Variants in SH3KBP1 observed in about 807,000 individuals in gnomAD.
SH3KBP1 encodes SH3 domain containing kinase binding protein 1, also known as SH3 domain-containing kinase-binding protein 1.
Under a neutral mutation model 50.1 loss-of-function variants are expected in SH3KBP1, and 8 were observed. The observed-to-expected ratio is 0.16, with a 90% CI of 0.09 to 0.29. The LOEUF is 0.29. Among genes scored for constraint, SH3KBP1 ranks in the 10% least tolerant of loss-of-function variants. The pLI is 1.00. For synonymous variants in SH3KBP1, 227 were observed against 218.6 expected, an observed-to-expected ratio of 1.04 and a Z score of -0.34; for missense variants, 377 against 535.2, an observed-to-expected ratio of 0.70 and a Z score of 2.92.
At chrX:19,862,184 T>G (rs1466066002) in intron 1 of SH3KBP1, among the ~76,000 whole-genome samples, 1 of 112,111 alleles carries the variant, frequency 8.9e-6, no homozygotes, top group African/African-American at 3.2e-5. Context: ...CTGGGAGCAA[T>G]GGTTTTGCCA....
chrX:19,713,670 G>A (rs1386320055), intron 3 of SH3KBP1, among the ~76,000 whole-genome samples: 3 of 111,489 alleles, frequency 2.7e-5, no homozygotes, highest in Non-Finnish European at 5.7e-5. Context: ...GGGTATTTGA[G>A]TGTCCATCAC....
chrX:19,572,356 GTA>G (rs970233472), intron 12 of SH3KBP1, among the ~76,000 whole-genome samples: 14 of 97,775 alleles, frequency 1.4e-4, no homozygotes, highest in African/African-American at 2.2e-4. Flanking sequence ...ACATATATAT[GTA>G]TATATAGTAC....
At chrX:19,774,443 G>A (rs1355023647) in intron 2 of SH3KBP1, among the ~76,000 whole-genome samples, 3 of 109,974 alleles carry the variant, frequency 2.7e-5, no homozygotes, top group Admixed American at 9.8e-5. Context: ...AGGCTGAGGC[G>A]GGCGGATCAC....
At chrX:19,788,290 A>C (rs1198287528) in intron 2 of SH3KBP1, among the ~76,000 whole-genome samples, 4 of 107,835 alleles carry the variant, frequency 3.7e-5, no homozygotes, top group East Asian at 2.8e-4. Context: ...AAAAAACAAA[A>C]AAAAAAAACA....
chrX:19,766,540 C>T (rs1396124684), intron 2 of SH3KBP1, among the ~76,000 whole-genome samples: 12 of 71,337 alleles, frequency 1.7e-4, no homozygotes, highest in African/African-American at 4.9e-4. Context: ...AGTCTTGCTC[C>T]GTCGCCCAGG....
intron 15 of SH3KBP1, among the ~76,000 whole-genome samples, chrX:19,542,960 G>C (rs1031675498): frequency 8.9e-6 from 1 of 112,227 alleles, no homozygotes; most frequent in African/African-American, 3.2e-5. Flanking sequence ...CTAAAGGGTT[G>C]GCAGATCTGG....
intron 13 of SH3KBP1, among the ~76,000 whole-genome samples, chrX:19,568,128 G>A (rs1041130540): frequency 5.4e-5 from 6 of 111,171 alleles, no homozygotes; most frequent in African/African-American, 2.0e-4. Flanking sequence ...GTGGGGAGGC[G>A]GTGGGGATGG....
chrX:19,772,212 A>G (rs1293839431), intron 2 of SH3KBP1, among the ~76,000 whole-genome samples: 1 of 110,773 alleles, frequency 9.0e-6, no homozygotes, highest in Non-Finnish European at 1.9e-5. Context: ...ATTATTGCCA[A>G]TGATGGTGTC....
chrX:19,754,795 A>G (rs920537242), intron 2 of SH3KBP1, among the ~76,000 whole-genome samples: 8 of 111,926 alleles, frequency 7.1e-5, no homozygotes, highest in African/African-American at 2.3e-4. Context: ...CTGGATCACC[A>G]TCAACTTCTC....
intron 2 of SH3KBP1, among the ~76,000 whole-genome samples, chrX:19,748,093 C>T (rs1470628546): frequency 1.8e-5 from 2 of 112,274 alleles, no homozygotes; most frequent in African/African-American, 6.5e-5. Flanking sequence ...ATTTCCTCAC[C>T]GGTTGCTTCT....
rs761236260 is a variant in SH3KBP1, at chrX:19,571,450, A to C, written c.1299-2262T>G. 8.0e-5 allele frequency among the ~76,000 whole-genome samples: 9 copies of C among 112,237 alleles called. No homozygotes were observed. In the South Asian group the frequency reaches 2.2e-3, roughly 28 times the overall value. On this transcript the variant is annotated intron_variant, in intron 12 of 17. Transcript: ENST00000397821. Reference sequence around the variant, plus strand: ...CCTCAGACTGATCCCGAGCCAACAGAAAGGGCAGGATGGAGGACATTTATT... The same window carrying C: ...CCTCAGACTGATCCCGAGCCAACAGCAAGGGCAGGATGGAGGACATTTATT...
At chrX:19,835,209 T>C (rs188744569) in intron 2 of SH3KBP1, among the ~76,000 whole-genome samples, 49 of 112,146 alleles carry the variant, frequency 4.4e-4, no homozygotes, top group African/African-American at 1.5e-3. Context: ...TCACGGCTCA[T>C]TGCAGTCTCA....
At chrX:19,740,617 AT>A (rs1343172557) in intron 3 of SH3KBP1, 15 of 164,436 alleles carry the variant, frequency 9.1e-5, no homozygotes, top group Admixed American at 5.1e-4. Context: ...ACTGGCAAGA[AT>A]TCACATTTAT....
intron 1 of SH3KBP1, among the ~76,000 whole-genome samples, chrX:19,860,597 G>A (rs2068755296): frequency 9.0e-6 from 1 of 111,551 alleles, no homozygotes; most frequent in Admixed American, 9.6e-5. Flanking sequence ...CACTTAAAAC[G>A]GTTAAAATCG....
At chrX:19,569,711 C>T (rs1293942162) in intron 12 of SH3KBP1, among the ~76,000 whole-genome samples, 1 of 111,889 alleles carries the variant, frequency 8.9e-6, no homozygotes, top group East Asian at 2.8e-4. Flanking sequence ...TGCTGGGGCT[C>T]AGGCCTGTAA....
At chrX:19,551,550 C>CTTT (rs397800260) in intron 13 of SH3KBP1, among the ~76,000 whole-genome samples, 1 of 95,171 alleles carries the variant, frequency 1.1e-5, no homozygotes, top group African/African-American at 4.3e-5. Flanking sequence ...CTCCCTCCCT[C>CTTT]TTTTTTTTTT....
intron 3 of SH3KBP1, 139 bp from the exon 4 acceptor site, chrX:19,707,123 G>C (rs1463882642): frequency 1.7e-6 from 1 of 574,154 alleles, no homozygotes; most frequent in East Asian, 3.3e-5. Flanking sequence ...AGGCACGGCA[G>C]CCCTGGTCTC....
intron 2 of SH3KBP1, among the ~76,000 whole-genome samples, chrX:19,786,841 C>T (rs138224006): frequency 0.048 from 5,322 of 111,627 alleles, 316 homozygotes; most frequent in African/African-American, 0.16. Flanking sequence ...AGGTCCACAG[C>T]GGTAAAAAGC....
At chrX:19,802,890 G>A (rs1048567141) in intron 2 of SH3KBP1, among the ~76,000 whole-genome samples, 1 of 111,446 alleles carries the variant, frequency 9.0e-6, no homozygotes, top group African/African-American at 3.3e-5. Context: ...CACTGGACTG[G>A]GCTAATCTTT....
Sources: gnomAD v4.1 joint callset for allele counts (sites outside exome capture counted in the v4.1 genomes callset) on GRCh38, gnomAD v4.1.1 for gene constraint, MANE v1.5 for transcripts, NCBI Gene and HGNC (gene_info 2026-07-23, HGNC 2026-07-21) for gene names.